The following FCRL3 variants were observed in gnomAD, a reference collection of about 807,000 sequenced individuals.
The protein encoded by FCRL3 is Fc receptor like 3.
In FCRL3, 89 loss-of-function variants were observed where a neutral mutation model predicts 75.0. That is an observed-to-expected ratio of 1.19 (90% CI 1.00 to 1.42). The LOEUF (loss-of-function observed/expected upper bound fraction) is 1.42, where lower values mean the gene tolerates loss of function less well. Ranked by LOEUF, FCRL3 falls within the 40% of genes most tolerant of loss-of-function variation. FCRL3 has a pLI of 0.00. For missense variants in FCRL3, 946 were observed against 880.0 expected, an observed-to-expected ratio of 1.07 and a Z score of -0.95; for synonymous variants, 376 against 348.5, an observed-to-expected ratio of 1.08 and a Z score of -0.88.
chr1:157,699,740 G>T lies in FCRL3; in HGVS notation c.32-28C>A, dbSNP rs1656192840. On this transcript the variant is annotated intron_variant, in intron 2 of 14. Transcript: ENST00000368184. ...GTGAGGGAGCAGAAAATGACAATCA[G>T]ACACTCTCCGAAACATTTTCTAACA... 3 of 1,611,778 alleles carry T rather than the reference G, an allele frequency of 1.9e-6. No individual in the cohort carries two copies. The East Asian group carries it at 6.7e-5, about 36-fold the overall frequency.
At chr1:157,699,252 A>G (rs1352487648) in intron 3 of FCRL3, among the ~76,000 whole-genome samples, 1 of 152,176 alleles carries the variant, frequency 6.6e-6, no homozygotes, top group African/African-American at 2.4e-5. Flanking sequence ...ACAGGCATGG[A>G]AGTGAGGTGT....
intron 3 of FCRL3, among the ~76,000 whole-genome samples, chr1:157,699,102 C>T (rs1259898060): frequency 2.6e-5 from 4 of 152,140 alleles, no homozygotes; most frequent in Non-Finnish European, 5.9e-5. Flanking sequence ...TCTCTCTTAG[C>T]TTTGAAAGTC....
rs1180608820 is a variant in FCRL3 at position 157,700,687 on chromosome 1, A to G, written c.-122T>C. 8 of 1,444,158 alleles carry G rather than the reference A, an allele frequency of 5.5e-6. No homozygotes were observed. Among genetic ancestry groups the G allele is most frequent in the East Asian group, 2.5e-5 (1 of 39,616 alleles). 89.5% of individuals were successfully genotyped at this position (1,444,158 alleles called of 1,614,324 possible). A position where few individuals can be genotyped will look rare whatever the true frequency, so the allele number is the denominator to read the frequency against. ...CTTCCTAAATGCTGTTTGTATCTCAATCCCGGTAGTGATACATTTTTAGAA... is the reference window on the plus strand; with the variant it reads ...CTTCCTAAATGCTGTTTGTATCTCAGTCCCGGTAGTGATACATTTTTAGAA... On this transcript the variant is annotated 5_prime_UTR_variant, in exon 1 of 15. Coordinates refer to ENST00000368184, the MANE Select transcript of FCRL3 (RefSeq NM_052939.4).
intron 7 of FCRL3, 29 bp downstream of exon 7, chr1:157,696,011 G>A (rs765590832): frequency 9.1e-5 from 144 of 1,582,828 alleles, no homozygotes; most frequent in Non-Finnish European, 1.1e-4. Context: ...CTTGCAACTC[G>A]AGGCTGTGTG....
chr1:157,697,080 T>C, intron 6 of FCRL3, 60 bp downstream of exon 6: 1 of 1,357,550 alleles, frequency 7.4e-7, no homozygotes, highest in Non-Finnish European at 9.6e-7. Context: ...GTGCAGGAGA[T>C]ATCACTGGCC....
At position 157,689,902 on chromosome 1, in the gene FCRL3, C is replaced by T. The variant is rs746294343; in HGVS notation, c.1706G>A (p.Arg569Lys). Reference sequence around the variant, plus strand: ...GATTCCCGCAGCGGTAAGGCCTGTTCTGTTCCTGGAAGTTCCTGAGTGGAG... The same window carrying T: ...GATTCCCGCAGCGGTAAGGCCTGTTTTGTTCCTGGAAGTTCCTGAGTGGAG... ...TLNVTGTSRN[R>K]TGLTAAGITG... The change falls in exon 10 of 15, where the codon AGA becomes AAA. Residue 569 changes from arginine (R) to lysine (K), a missense_variant. By Grantham distance (26) the Arg-to-Lys change is conservative. Transcript: ENST00000368184. 10 of 1,614,190 alleles carry T rather than the reference C, an allele frequency of 6.2e-6. No individual in the cohort carries two copies. The highest frequency in any genetic ancestry group is 1.1e-5 in the South Asian group (1 of 91,070).
At chr1:157,695,916 T>G in intron 7 of FCRL3, 124 bp downstream of exon 7, 1 of 247,100 alleles carries the variant, frequency 4.0e-6, no homozygotes, top group Non-Finnish European at 7.9e-6. Flanking sequence ...CCTCTCTCTC[T>G]CTCTGTCCCC....
intron 7 of FCRL3, 63 bp from the exon 8 acceptor site, chr1:157,695,670 A>C: frequency 5.8e-5 from 88 of 1,520,988 alleles, no homozygotes; most frequent in Middle Eastern, 1.8e-4. Context: ...AACCTCTCTC[A>C]AGGAGCCTAG....
chr1:157,680,571 G>T, intron 13 of FCRL3, 131 bp downstream of exon 13: 1 of 698,544 alleles, frequency 1.4e-6, no homozygotes, highest in Non-Finnish European at 2.5e-6. Flanking sequence ...AGATTCTACA[G>T]CTGACACTAT....
chr1:157,690,326 C>T lies in FCRL3; in HGVS notation c.1619G>A (p.Gly540Glu). The T allele has an allele frequency of 6.2e-7, 1 of 1,614,230 alleles. No individual in the cohort carries two copies. Among genetic ancestry groups the T allele is most frequent in the South Asian group, 1.1e-5 (1 of 91,088 alleles). Residue 540 changes from glycine to glutamate, a missense_variant, in exon 9 of 15, where the codon GGA becomes GAA. Transcript: ENST00000368184. Reference sequence around the variant, plus strand: ...ATTGTCAGCCTCACATGAGTAGTTTCCAGAATGTTCTGTAGTCAGAGAGAG... The same window carrying T: ...ATTGTCAGCCTCACATGAGTAGTTTTCAGAATGTTCTGTAGTCAGAGAGAG... Reference protein sequence around the residue: ...FNLSLTTEHSGNYSCEADNGL... With the variant: ...FNLSLTTEHSENYSCEADNGL...
Position 157,695,498 on chromosome 1 carries a change from C to T in FCRL3, c.1242G>A (p.Leu414=). 6.2e-7 allele frequency: 1 copy of T among 1,614,188 alleles called. No individual in the cohort carries two copies. The highest frequency in any genetic ancestry group is 1.3e-5 in the African/African-American group (1 of 75,050). ...TGACATCCTCATGATAAAATCGGTA[C>T]AGGATCGGGGGAGAGCCTCTCAGGG... ...CESLRGSPPI[L]YRFYHEDVTL... Residue 414 remains leucine (L), a synonymous_variant, in exon 8 of 15, where the codon CTG becomes CTA. Coordinates refer to ENST00000368184, the MANE Select transcript of FCRL3 (RefSeq NM_052939.4).
Position 157,697,318 on chromosome 1 carries a change from G to A in FCRL3, c.666C>T (p.Val222=), listed in dbSNP as rs757788314. 1.2e-6 allele frequency: 2 copies of A among 1,612,536 alleles called. No individual in the cohort carries two copies. The highest frequency in any genetic ancestry group is 2.7e-5 in the African/African-American group (2 of 74,896). The change falls in exon 6 of 15, where the codon GTC becomes GTT. Residue 222 remains valine, a synonymous_variant. Transcript: ENST00000368184. ...ETQLSPQRPD[V]QLQFSLFRDS... ...CTCTGAAGAGGGAGAATTGCAGCTG[G>A]ACATCTGGCCTCTGTGGAGAGAGCT...
At chr1:157,698,667 C>G (rs1656122542) in intron 3 of FCRL3, 38 bp from the exon 4 acceptor site, 2 of 1,610,406 alleles carry the variant, frequency 1.2e-6, no homozygotes, top group Non-Finnish European at 1.7e-6. Flanking sequence ...AGGGGAAGGT[C>G]AATGGGAGGT....
chr1:157,684,370 T>G (rs1655045777), intron 10 of FCRL3, among the ~76,000 whole-genome samples: 1 of 152,162 alleles, frequency 6.6e-6, no homozygotes. Flanking sequence ...GAAAAATAAC[T>G]GAGTAACTCC....
chr1:157,685,267 A>G (rs1402301882), intron 10 of FCRL3, among the ~76,000 whole-genome samples: 1 of 152,106 alleles, frequency 6.6e-6, no homozygotes, highest in Admixed American at 6.6e-5. Flanking sequence ...CTAGCCTTCT[A>G]TAAGTAATAT....
chr1:157,695,467 C>G lies in FCRL3; in HGVS notation c.1273G>C (p.Gly425Arg). The change falls in exon 8 of 15, where the codon GGG becomes CGG. Residue 425 changes from glycine (G) to arginine (R), a missense_variant. Coordinates refer to ENST00000368184, the MANE Select transcript of FCRL3 (RefSeq NM_052939.4). ...CCTCCAGAGGGGGCTGAGCTGTTCCCCAGGGTGACATCCTCATGATAAAAT... is the reference window on the plus strand; with the variant it reads ...CCTCCAGAGGGGGCTGAGCTGTTCCGCAGGGTGACATCCTCATGATAAAAT... ...YRFYHEDVTL[G>R]NSSAPSGGGA... 4.3e-6 allele frequency: 7 copies of G among 1,614,180 alleles called. No individual in the cohort carries two copies. Among genetic ancestry groups the G allele is most frequent in the Non-Finnish European group, 5.9e-6 (7 of 1,180,026 alleles).
Position 157,694,526 on chromosome 1 carries a change from A to G in FCRL3, c.1411+803T>C, listed in dbSNP as rs140573400. Among the ~76,000 whole-genome samples the G allele has an allele frequency of 3.3e-5, 5 of 152,276 alleles. No individual in the cohort carries two copies. In the East Asian group the frequency reaches 7.7e-4, roughly 24 times the overall value. Reference sequence around the variant, plus strand: ...GTTTGTGTGACTGGGAATTATTACCATATCTCTCTTATTTTGCCATCTTCT... The same window carrying G: ...GTTTGTGTGACTGGGAATTATTACCGTATCTCTCTTATTTTGCCATCTTCT... On this transcript the variant is annotated intron_variant, in intron 8 of 14. Transcript: ENST00000368184.
In FCRL3 at chr1:157,676,745, T is replaced by G; in HGVS notation, c.*1965A>C. The G allele has an allele frequency of 6.4e-7, 1 of 1,550,464 alleles. No individual in the cohort carries two copies. The highest frequency in any genetic ancestry group is 8.7e-7 in the Non-Finnish European group (1 of 1,146,908). The stretch of plus-strand genomic sequence containing the variant: ...TACAAAGACATGGAAAATCTTGAAC[T>G]TTGTTCTTTCTTGGGTTCAGAATCT... On this transcript the variant is annotated 3_prime_UTR_variant, in exon 15 of 15. Coordinates refer to ENST00000368184, the MANE Select transcript of FCRL3 (RefSeq NM_052939.4).
In FCRL3 at chr1:157,678,702, G is replaced by T; in HGVS notation, c.*8C>A. 6.2e-7 allele frequency: 1 copy of T among 1,612,880 alleles called. No individual in the cohort carries two copies. The highest frequency in any genetic ancestry group is 8.5e-7 in the Non-Finnish European group (1 of 1,179,930). On this transcript the variant is annotated 3_prime_UTR_variant, in exon 15 of 15. Transcript: ENST00000368184. The stretch of plus-strand genomic sequence containing the variant: ...GGCTGTTTCCTGTGGGCCACTCTGG[G>T]TAAGGGGCTAGTGGTCTGAGGCCAG...
Sources: allele counts gnomAD v4.1 joint callset (sites outside exome capture counted in the v4.1 genomes callset), GRCh38; gene constraint gnomAD v4.1.1; transcripts MANE v1.5; gene names NCBI Gene and HGNC (gene_info 2026-07-23, HGNC 2026-07-21).